Variants in NGEF observed in about 807,000 individuals in gnomAD.
NGEF encodes the protein ephexin-1.
NGEF carries 31 observed loss-of-function variants against 80.9 expected under a neutral mutation model. The observed-to-expected ratio is 0.38, with a 90% confidence interval of 0.29 to 0.52. The LOEUF (loss-of-function observed/expected upper bound fraction) is 0.52, where lower values mean the gene tolerates loss of function less well. NGEF is among the 20% of genes least tolerant of loss of function. NGEF has a pLI of 0.84. For missense variants in NGEF, 709 were observed against 926.2 expected (o/e 0.77, Z 3.04); for synonymous variants, 371 against 370.2 (o/e 1.00, Z -0.03).
intron 5 of NGEF, chr2:232,905,526 C>T (rs868668214): frequency 1.0e-4 from 30 of 288,524 alleles, no homozygotes; most frequent in Admixed American, 7.5e-4. Context: ...TCCGCCACCC[C>T]GTCTGGGAAG....
intron 1 of NGEF, among the ~76,000 whole-genome samples, chr2:233,011,672 A>G (rs1156454767): frequency 1.3e-5 from 2 of 151,516 alleles, no homozygotes; most frequent in East Asian, 3.9e-4. Context: ...AGCCCACCGC[A>G]TGACTTCTGG....
At chr2:232,888,240 ACG>A (rs1275321653) in intron 8 of NGEF, 133 bp from the exon 9 acceptor site, 39 of 623,396 alleles carry the variant, frequency 6.3e-5, no homozygotes, top group Admixed American at 1.9e-4. Flanking sequence ...ACACACACGC[ACG>A]CACGCACACG....
chr2:232,983,969 T>C (rs753358402), intron 1 of NGEF, among the ~76,000 whole-genome samples: 1 of 152,214 alleles, frequency 6.6e-6, no homozygotes, highest in Non-Finnish European at 1.5e-5. Context: ...TCCTCCAGGC[T>C]GGAATGTTCA....
chr2:232,919,354 A>AG (rs1186062605), intron 5 of NGEF, among the ~76,000 whole-genome samples: 1 of 152,204 alleles, frequency 6.6e-6, no homozygotes. Context: ...CGAGGAATGC[A>AG]GGTGAGTGCG....
At chr2:232,993,153 A>ATATATATATATATATATTATATATAT (rs1559238286) in intron 1 of NGEF, among the ~76,000 whole-genome samples, 2 of 85,030 alleles carry the variant, frequency 2.4e-5, no homozygotes, top group African/African-American at 1.1e-4. Context: ...ATATATGGGC[A>ATATATATATATATATATTATATATAT]AATATATATA....
At position 232,970,283 on chromosome 2, in the gene NGEF, T is replaced by A; in HGVS notation, c.314A>T (p.Asn105Ile). The stretch of plus-strand genomic sequence containing the variant: ...AGGAGGCATTCTGCTCCAGGGGATA[T>A]TCAAGGTCAGGGGCTCATTTACAGA... ...GKSVNEPLTL[N>I]IPWSRMPPCR... The change falls in exon 3 of 15, where the codon AAT becomes ATT. Residue 105 changes from asparagine (N) to isoleucine (I), a missense_variant. By Grantham distance (149) the Asn-to-Ile change is moderately radical (BLOSUM62 -3). Around this residue, in one of 2 missense-constraint regions of NGEF, gnomAD observed 283 missense variants for 303.4 expected, o/e 0.93. Transcript: ENST00000264051. The A allele has an allele frequency of 1.2e-6, 2 of 1,605,534 alleles. No homozygotes were observed. Among genetic ancestry groups the A allele is most frequent in the Non-Finnish European group, 1.7e-6 (2 of 1,177,322 alleles).
At chr2:232,885,685 G>A (rs943356212) in intron 9 of NGEF, 3 of 315,316 alleles carry the variant, frequency 9.5e-6, no homozygotes, top group East Asian at 7.4e-5. Flanking sequence ...GCAGGGCTCC[G>A]GGCTGTTCTC....
chr2:232,882,940 C>CA (rs990487857), intron 12 of NGEF, among the ~76,000 whole-genome samples: 3 of 152,136 alleles, frequency 2.0e-5, no homozygotes, highest in African/African-American at 7.2e-5. Flanking sequence ...TGCCACACAG[C>CA]AAGTGGCAGC....
chr2:232,894,445 C>G (rs2166440), intron 6 of NGEF, among the ~76,000 whole-genome samples: 1 of 151,996 alleles, frequency 6.6e-6, no homozygotes. Context: ...TGTCCAACCA[C>G]CGGTTTGATG....
intron 3 of NGEF, among the ~76,000 whole-genome samples, chr2:232,930,172 C>T (rs566030946): frequency 6.6e-6 from 1 of 152,108 alleles, no homozygotes; most frequent in African/African-American, 2.4e-5. Flanking sequence ...AGACACATTT[C>T]TCATAGTTCC....
intron 4 of NGEF, among the ~76,000 whole-genome samples, chr2:232,921,814 G>A (rs988971317): frequency 2.6e-5 from 4 of 152,132 alleles, no homozygotes; most frequent in African/African-American, 9.7e-5. Flanking sequence ...TGGGAGAAAC[G>A]GGCTGCAGCA....
At chr2:232,974,543 CA>C in intron 2 of NGEF, 79 bp downstream of exon 2, 1 of 1,478,776 alleles carries the variant, frequency 6.8e-7, no homozygotes, top group South Asian at 1.3e-5. Context: ...TATCCTTTCT[CA>C]TTTAATGAGG....
intron 10 of NGEF, 123 bp downstream of exon 10, chr2:232,885,157 T>C (rs1056206225): frequency 7.1e-6 from 6 of 842,930 alleles, no homozygotes; most frequent in Non-Finnish European, 1.1e-5. Flanking sequence ...GCAGAGGGGA[T>C]CCTAAGTGTG....
chr2:232,926,638 C>A, intron 4 of NGEF, among the ~76,000 whole-genome samples: 1 of 152,190 alleles, frequency 6.6e-6, no homozygotes, highest in Non-Finnish European at 1.5e-5. Context: ...CTCCTCTAGC[C>A]CAACTCTGCT....
intron 3 of NGEF, among the ~76,000 whole-genome samples, chr2:232,969,487 T>TCCTC (rs1261682260): frequency 2.7e-5 from 3 of 112,392 alleles, no homozygotes; most frequent in Admixed American, 9.7e-5. Flanking sequence ...CTTCCTTCCT[T>TCCTC]CCTCCCTCCC....
chr2:232,968,252 C>T (rs1350951118), intron 3 of NGEF, among the ~76,000 whole-genome samples: 3 of 151,492 alleles, frequency 2.0e-5, no homozygotes, highest in Non-Finnish European at 2.9e-5. Flanking sequence ...CCATGCCTGG[C>T]TAATTTTGTA....
At chr2:232,900,198 ACAGT>A (rs1313589908) in intron 5 of NGEF, among the ~76,000 whole-genome samples, 3 of 128,752 alleles carry the variant, frequency 2.3e-5, no homozygotes, top group East Asian at 4.9e-4. Context: ...ACACGCTCTC[ACAGT>A]CACTCATATA....
At chr2:232,999,783 C>T (rs368320839) in intron 1 of NGEF, among the ~76,000 whole-genome samples, 63 of 152,320 alleles carry the variant, frequency 4.1e-4, no homozygotes, top group African/African-American at 1.4e-3. Context: ...TTCCAAAGCC[C>T]AGTGGGGATG....
intron 5 of NGEF, among the ~76,000 whole-genome samples, chr2:232,907,603 G>T (rs1347847555): frequency 1.3e-5 from 2 of 152,134 alleles, no homozygotes; most frequent in Non-Finnish European, 2.9e-5. Context: ...AATGTAACTG[G>T]ATTGCACATC....
Sources: gnomAD v4.1 joint callset for allele counts (sites outside exome capture counted in the v4.1 genomes callset) on GRCh38, gnomAD v4.1.1 for gene constraint, gnomAD v4.1.1 regional missense constraint, MANE v1.5 for transcripts, NCBI Gene and HGNC (gene_info 2026-07-23, HGNC 2026-07-21) for gene names.